The following NAV2 variants were observed in gnomAD, a reference collection of about 807,000 sequenced individuals.
NAV2 encodes neuron navigator 2, also known as helicase, APC down-regulated 1.
NAV2 carries 54 observed loss-of-function variants against 223.2 expected under a neutral mutation model. The ratio of observed to expected loss-of-function variants is 0.24; its 90% CI spans 0.19 to 0.30. The LOEUF (loss-of-function observed/expected upper bound fraction) is 0.30, where lower values mean the gene tolerates loss of function less well. NAV2 is among the 10% of genes least tolerant of loss of function. NAV2 has a pLI of 1.00. For synonymous variants in NAV2, 1,279 were observed against 1,239.3 expected (o/e 1.03, Z -0.67); for missense variants, 2,806 against 3,147.5 (o/e 0.89, Z 2.60).
intron 1 of NAV2, among the ~76,000 whole-genome samples, chr11:19,761,135 C>A (rs1052355350): frequency 1.3e-5 from 2 of 152,064 alleles, no homozygotes; most frequent in Admixed American, 6.5e-5. Context: ...ACACTGAAGT[C>A]AAGTTTGCTA....
chr11:19,880,618 C>G (rs552105956), intron 5 of NAV2, among the ~76,000 whole-genome samples: 1 of 152,142 alleles, frequency 6.6e-6, no homozygotes, highest in Non-Finnish European at 1.5e-5. Context: ...GGGGCAGTAT[C>G]GCCTAACGGG....
exon 1 of NAV2, chr11:19,350,735 C>CG: frequency 1.8e-6 from 1 of 567,314 alleles, no homozygotes; most frequent in South Asian, 2.0e-5. Context: ...CTCATGATGC[C>CG]GGCAGCAGTC....
chr11:19,643,931 G>A (rs189497691), intron 1 of NAV2, among the ~76,000 whole-genome samples: 58 of 152,324 alleles, frequency 3.8e-4, no homozygotes, highest in African/African-American at 1.3e-3. Flanking sequence ...TTCTAAATAT[G>A]TGTGTTATAT....
At chr11:19,566,128 G>A (rs1590547478) in intron 1 of NAV2, among the ~76,000 whole-genome samples, 2 of 151,192 alleles carry the variant, frequency 1.3e-5, no homozygotes, top group East Asian at 3.9e-4. Flanking sequence ...GAGTGCAGTG[G>A]CACCATCACA....
chr11:19,630,699 C>A (rs1002626976), intron 1 of NAV2, among the ~76,000 whole-genome samples: 1 of 151,964 alleles, frequency 6.6e-6, no homozygotes, highest in Non-Finnish European at 1.5e-5. Context: ...CCAGCCTGGG[C>A]AACATGGTGA....
At chr11:19,671,521 T>G (rs57233771) in intron 1 of NAV2, among the ~76,000 whole-genome samples, 2,134 of 152,302 alleles carry the variant, frequency 0.014, 40 homozygotes, top group East Asian at 0.067. Flanking sequence ...TCGTGGTTCC[T>G]GTCTTTCTCC....
chr11:19,620,830 T>C (rs2046970259), intron 1 of NAV2, among the ~76,000 whole-genome samples: 2 of 152,166 alleles, frequency 1.3e-5, no homozygotes, highest in South Asian at 4.1e-4. Context: ...GGCATCCCTG[T>C]CTTGTGCCAG....
chr11:19,773,539 A>G (rs1231704557), intron 1 of NAV2, among the ~76,000 whole-genome samples: 2 of 152,236 alleles, frequency 1.3e-5, no homozygotes, highest in African/African-American at 2.4e-5. Context: ...GACCTTCATA[A>G]GCATTGTTCC....
chr11:19,842,762 C>A, intron 2 of NAV2, 109 bp from the exon 3 acceptor site: 1 of 942,610 alleles, frequency 1.1e-6, no homozygotes, highest in Non-Finnish European at 1.7e-6. Flanking sequence ...ACTGATTGGA[C>A]AAACCCTGGT....
rs1447316206 is a variant in NAV2, at chr11:19,900,305, C to A, written c.931+7711C>A. 2.2e-4 allele frequency among the ~76,000 whole-genome samples: 13 copies of A among 58,684 alleles called. No homozygotes were observed. The Admixed American group carries it at 2.9e-3, about 13-fold the overall frequency. The allele number at this position is 58,684 out of a possible 152,430, so 38.5% of individuals were successfully genotyped here. On this transcript the variant is annotated intron_variant, in intron 6 of 37. Transcript: ENST00000349880. Reference sequence around the variant, plus strand: ...AGAAGTTGTATCAAAGTCTCGGGGCCAGTGTTCAGTTATCTCAGGAGAGGA... The same window carrying A: ...AGAAGTTGTATCAAAGTCTCGGGGCAAGTGTTCAGTTATCTCAGGAGAGGA...
At chr11:20,060,494 G>T (rs566697061) in intron 19 of NAV2, among the ~76,000 whole-genome samples, 1 of 152,382 alleles carries the variant, frequency 6.6e-6, no homozygotes, top group South Asian at 2.1e-4. Flanking sequence ...AGTCATGGAT[G>T]AAGAAAGCAC....
intron 3 of NAV2, among the ~76,000 whole-genome samples, chr11:19,848,364 C>G (rs973517864): frequency 6.6e-6 from 1 of 152,200 alleles, no homozygotes; most frequent in South Asian, 2.1e-4. Flanking sequence ...GAGGCCAGCA[C>G]CTGGGGAGAT....
At chr11:19,754,433 C>G (rs1229977756) in intron 1 of NAV2, among the ~76,000 whole-genome samples, 1 of 152,194 alleles carries the variant, frequency 6.6e-6, no homozygotes, top group African/African-American at 2.4e-5. Flanking sequence ...AGGATTCAAA[C>G]AGATGAAGAA....
At chr11:19,794,707 C>A (rs187444790) in intron 1 of NAV2, among the ~76,000 whole-genome samples, 2 of 152,166 alleles carry the variant, frequency 1.3e-5, no homozygotes, top group African/African-American at 4.8e-5. Context: ...GGGGGAGGGA[C>A]CTAAGTGCCA....
chr11:19,624,829 C>T (rs1296487650), intron 1 of NAV2, among the ~76,000 whole-genome samples: 2 of 152,218 alleles, frequency 1.3e-5, no homozygotes, highest in Non-Finnish European at 2.9e-5. Flanking sequence ...GCAGAAATCA[C>T]CAGTCTTCTG....
rs1251088211 is a variant in NAV2 at position 19,469,358 on chromosome 11, G to A, written c.75+118331G>A. Among the ~76,000 whole-genome samples the A allele has an allele frequency of 2.0e-5, 3 of 152,202 alleles. No homozygotes were observed. In the East Asian group the frequency reaches 5.8e-4, roughly 29 times the overall value. On this transcript the variant is annotated intron_variant, in intron 1 of 37. Coordinates refer to the NAV2 transcript ENST00000360655. ...CCCATTAACTCTATGGGAAGAGGTG[G>A]AGAATAGCAAGGGGCTTATAAGTTT...
At chr11:19,807,918 A>C (rs893257894) in intron 1 of NAV2, among the ~76,000 whole-genome samples, 1 of 152,100 alleles carries the variant, frequency 6.6e-6, no homozygotes, top group African/African-American at 2.4e-5. Context: ...TACTTTGGTA[A>C]CCACTAACTG....
At chr11:19,651,097 A>G (rs1198684128) in intron 1 of NAV2, among the ~76,000 whole-genome samples, 1 of 152,176 alleles carries the variant, frequency 6.6e-6, no homozygotes, top group Non-Finnish European at 1.5e-5. Context: ...TGGCCAAGCC[A>G]GAACCTGAAT....
chr11:19,982,113 C>T (rs1021228603), intron 10 of NAV2, among the ~76,000 whole-genome samples: 1 of 152,144 alleles, frequency 6.6e-6, no homozygotes, highest in East Asian at 1.9e-4. Context: ...GTGTGAGAGA[C>T]ATGCATTGAA....
Sources: allele counts gnomAD v4.1 joint callset (sites outside exome capture counted in the v4.1 genomes callset), GRCh38; gene constraint gnomAD v4.1.1; transcripts MANE v1.5; gene names NCBI Gene and HGNC (gene_info 2026-07-23, HGNC 2026-07-21).